The following IPO9 variants were observed in gnomAD, a reference collection of about 807,000 sequenced individuals.
IPO9 encodes importin 9, also known as importin-9.
A neutral mutation model predicts 128.6 loss-of-function variants in IPO9; 28 were observed. The observed-to-expected ratio is 0.22, with a 90% CI of 0.16 to 0.30. IPO9 has a LOEUF of 0.30. Among genes scored for constraint, IPO9 ranks in the 10% least tolerant of loss-of-function variants. IPO9 has a pLI of 1.00. For synonymous variants in IPO9, 455 were observed against 475.8 expected (o/e 0.96, Z 0.57); for missense variants, 935 against 1,293.9 (o/e 0.72, Z 4.26).
chr1:201,838,921 C>CT (rs386354520), intron 1 of IPO9, among the ~76,000 whole-genome samples: 8,953 of 142,588 alleles, frequency 0.063, 554 homozygotes, highest in East Asian at 0.31. Context: ...TTAGAGGAAA[C>CT]TTTTTTTTTT....
rs375508489 is a variant in IPO9, at chr1:201,859,182, T to TAAATAA, written c.1468+189_1468+190insAATAAA. 1.0e-4 allele frequency among the ~76,000 whole-genome samples: 6 copies of TAAATAA among 59,894 alleles called. 1 individual carries two copies. Among genetic ancestry groups the TAAATAA allele is most frequent in the Admixed American group, 3.7e-4 (2 of 5,354 alleles). 39.3% of individuals were successfully genotyped at this position (59,894 alleles called of 152,430 possible). ...ATGTACCCTAGAACTCAAAGTATAA[T>TAAATAA]ATATATATATATATATATATATATA... On this transcript the variant is annotated intron_variant, in intron 13 of 23. Transcript: ENST00000361565.
At chr1:201,873,956 T>C (rs1680709581) in intron 20 of IPO9, among the ~76,000 whole-genome samples, 1 of 152,170 alleles carries the variant, frequency 6.6e-6, no homozygotes, top group South Asian at 2.1e-4. Flanking sequence ...TTCTAAGTCA[T>C]TGGGACTGGA....
rs1680867999 is a variant in IPO9 at position 201,880,672 on chromosome 1, T to C, written c.*4618T>C. The C allele has an allele frequency of 6.6e-6, 1 of 152,254 alleles. No homozygotes were observed. Among genetic ancestry groups the C allele is most frequent in the African/African-American group, 2.4e-5 (1 of 41,456 alleles). The allele number at this position is 152,254 out of a possible 1,614,324, so 9.4% of individuals were successfully genotyped here. A position where few individuals can be genotyped will look rare whatever the true frequency, so the allele number is the denominator to read the frequency against. On this transcript the variant is annotated 3_prime_UTR_variant, in exon 24 of 24. Coordinates refer to ENST00000361565, the MANE Select transcript of IPO9 (RefSeq NM_018085.5). ...TTAGATATGCAAGGCCGGTGCTAAATGCTGGAGGGCTTTGGCCCTTTCCCT... is the reference window on the plus strand; with the variant it reads ...TTAGATATGCAAGGCCGGTGCTAAACGCTGGAGGGCTTTGGCCCTTTCCCT...
At chr1:201,845,035 G>A (rs931779386) in intron 1 of IPO9, among the ~76,000 whole-genome samples, 5 of 150,922 alleles carry the variant, frequency 3.3e-5, no homozygotes, top group Admixed American at 6.6e-5. Flanking sequence ...AGGGGGGGGC[G>A]TACAGAGTTT....
At chr1:201,856,904 C>G (rs1174057597) in intron 10 of IPO9, among the ~76,000 whole-genome samples, 192 bp from the exon 11 acceptor site, 2 of 152,166 alleles carry the variant, frequency 1.3e-5, no homozygotes, top group Non-Finnish European at 2.9e-5. Context: ...CCAGGCTGGT[C>G]TCAAACTCCT....
At chr1:201,837,962 C>A (rs954612672) in intron 1 of IPO9, among the ~76,000 whole-genome samples, 30 of 151,946 alleles carry the variant, frequency 2.0e-4, no homozygotes, top group Admixed American at 1.4e-3. Flanking sequence ...CCCAGCCACT[C>A]GGGAGGCTGA....
At chr1:201,847,487 A>G (rs1680143607) in intron 2 of IPO9, 65 bp from the exon 3 acceptor site, 2 of 1,422,050 alleles carry the variant, frequency 1.4e-6, no homozygotes, top group Non-Finnish European at 9.9e-7. Context: ...CAGGCTATGT[A>G]TATAGTTTTT....
chr1:201,857,311 C>G lies in IPO9; in HGVS notation c.1221+117C>G. The G allele has an allele frequency of 1.2e-5, 8 of 674,658 alleles. No homozygotes were observed. The South Asian group carries it at 1.2e-4, about 10-fold the overall frequency. The allele number at this position is 674,658 out of a possible 1,614,324, so 41.8% of individuals were successfully genotyped here. The stretch of plus-strand genomic sequence containing the variant: ...TGTTGTTGGGTGGCTTTATCTCAGA[C>G]TTTATTGGGGATGCAAGAGAGTTTC... On this transcript the variant is annotated intron_variant, in intron 11 of 23. Transcript: ENST00000361565.
At position 201,855,484 on chromosome 1, in the gene IPO9, A is replaced by T. The variant is rs548234896; in HGVS notation, c.971-299A>T. On this transcript the variant is annotated intron_variant, in intron 9 of 23. Transcript: ENST00000361565. ...GTTGTGTTTCATTTGGGGGTCCCAG[A>T]TCATGAATCTTTCGTTTCTGTTTTA... Among the ~76,000 whole-genome samples, 120 of 152,348 alleles carry T rather than the reference A, an allele frequency of 7.9e-4. 1 individual carries two copies. In the South Asian group the frequency reaches 0.024, roughly 31 times the overall value.
intron 4 of IPO9, among the ~76,000 whole-genome samples, chr1:201,851,313 G>A (rs150375854): frequency 2.8e-4 from 42 of 151,662 alleles, no homozygotes; most frequent in African/African-American, 1.0e-3. Flanking sequence ...CACTGTTCCC[G>A]GCCCATATGT....
chr1:201,874,324 A>G lies in IPO9; in HGVS notation c.2785A>G (p.Met929Val). The G allele has an allele frequency of 6.2e-7, 1 of 1,614,048 alleles. No homozygotes were observed. Among genetic ancestry groups the G allele is most frequent in the Non-Finnish European group, 8.5e-7 (1 of 1,179,934 alleles). The change falls in exon 21 of 24, where the codon ATG (methionine) becomes GTG (valine). Residue 929 changes from methionine (M) to valine (V), a missense_variant. Physicochemically the swap from Met to Val is conservative, Grantham distance 21. This residue lies in a region of IPO9 where 188 missense variants were observed against 246.7 expected (regional missense o/e 0.76). Coordinates refer to ENST00000361565, the MANE Select transcript of IPO9 (RefSeq NM_018085.5). ...GATCATCAACGAGCTCTCCAACGTC[A>G]TGGAGGCTAATGCCGCTCGCCAGGC... ...KLIINELSNV[M>V]EANAARQATP...
chr1:201,829,676 G>A (rs1679793603), intron 1 of IPO9: 2 of 264,070 alleles, frequency 7.6e-6, no homozygotes, highest in South Asian at 8.7e-5. Context: ...TGGTGCTGTT[G>A]GAGGAAGTAG....
At chr1:201,846,063 A>G (rs1680119431) in intron 1 of IPO9, among the ~76,000 whole-genome samples, 1 of 152,208 alleles carries the variant, frequency 6.6e-6, no homozygotes, top group South Asian at 2.1e-4. Flanking sequence ...AGCTATTACT[A>G]TGCCACTGCA....
chr1:201,873,260 C>G (rs959381390), intron 20 of IPO9, among the ~76,000 whole-genome samples: 1 of 151,782 alleles, frequency 6.6e-6, no homozygotes, highest in African/African-American at 2.4e-5. Flanking sequence ...GCCTGACCAA[C>G]ATGGTGAAAT....
At chr1:201,835,859 C>A (rs1679910201) in intron 1 of IPO9, among the ~76,000 whole-genome samples, 2 of 152,144 alleles carry the variant, frequency 1.3e-5, no homozygotes, top group Admixed American at 6.5e-5. Flanking sequence ...CTCCTGTAAT[C>A]CCAGCACTTT....
chr1:201,842,188 T>A (rs187330044), intron 1 of IPO9, among the ~76,000 whole-genome samples: 120 of 152,254 alleles, frequency 7.9e-4, no homozygotes, highest in African/African-American at 2.6e-3. Context: ...CTCCCCTCTT[T>A]GGGTTTGATT....
Position 201,853,018 on chromosome 1 carries a change from G to A in IPO9, c.611G>A (p.Gly204Asp). 6.2e-7 allele frequency: 1 copy of A among 1,614,002 alleles called. No homozygotes were observed. The highest frequency in any genetic ancestry group is 8.5e-7 in the Non-Finnish European group (1 of 1,179,924). The change falls in exon 6 of 24, where the codon GGT becomes GAT. Residue 204 changes from glycine to aspartate, a missense_variant. By Grantham distance (94) the Gly-to-Asp change is moderately conservative (BLOSUM62 -1). Transcript: ENST00000361565. ...CTGTAACCTTTCTTCCAGGTGTATGGTATTCGAACCCGTTCCCGAGCCGTG... is the reference window on the plus strand; with the variant it reads ...CTGTAACCTTTCTTCCAGGTGTATGATATTCGAACCCGTTCCCGAGCCGTG... The part of the protein sequence containing the change: ...YKIFTMAEVY[G>D]IRTRSRAVEI...
chr1:201,863,649 T>A, intron 14 of IPO9, 42 bp downstream of exon 14: 5 of 1,519,366 alleles, frequency 3.3e-6, no homozygotes, highest in Non-Finnish European at 4.5e-6. Flanking sequence ...GGAAAGTTGC[T>A]CAGGTTAGAT....
chr1:201,831,226 T>C (rs10800791), intron 1 of IPO9, among the ~76,000 whole-genome samples: 17,797 of 152,170 alleles, frequency 0.12, 1,916 homozygotes, highest in East Asian at 0.59. Flanking sequence ...TTGATCTAAG[T>C]CACTGATGAG....
Sources: gnomAD v4.1 joint callset for allele counts (sites outside exome capture counted in the v4.1 genomes callset) on GRCh38, gnomAD v4.1.1 for gene constraint, gnomAD v4.1.1 regional missense constraint, MANE v1.5 for transcripts, NCBI Gene and HGNC (gene_info 2026-07-23, HGNC 2026-07-21) for gene names.